Variants in ARMCX4 observed in about 807,000 individuals in gnomAD.
The protein encoded by ARMCX4 is armadillo repeat-containing X-linked protein 4.
In ARMCX4, 3 loss-of-function variants were observed where a neutral mutation model predicts 34.7. That is an observed-to-expected ratio of 0.09 (90% CI 0.04 to 0.22). ARMCX4 has a LOEUF of 0.22. ARMCX4 is among the 10% of genes least tolerant of loss of function. The pLI is 1.00. For missense variants in ARMCX4, 1,448 were observed against 1,720.8 expected, an observed-to-expected ratio of 0.84 and a Z score of 2.81; for synonymous variants, 513 against 632.8, an observed-to-expected ratio of 0.81 and a Z score of 2.84.
chrX:101,432,966 GTA>G (rs1366026171), intron 2 of ARMCX4, among the ~76,000 whole-genome samples: 3 of 34,300 alleles, frequency 8.7e-5, no homozygotes, highest in East Asian at 6.9e-4. Flanking sequence ...ATACATATGT[GTA>G]TATGTGTATA....
intron 12 of ARMCX4, chrX:101,532,398 C>T (rs892282701): frequency 9.0e-6 from 1 of 111,568 alleles, no homozygotes; most frequent in Non-Finnish European, 1.9e-5. Context: ...ATATTAAAAG[C>T]TGAGACTACA....
chrX:101,490,817 A>G lies in ARMCX4; in HGVS notation c.2228A>G (p.Tyr743Cys), dbSNP rs1933943271. Reference protein sequence around the residue: ...TTVPNSGVGPYTTDSARLQAV... With the variant: ...TTVPNSGVGPCTTDSARLQAV... The stretch of plus-strand genomic sequence containing the variant: ...GTGCCTAATTCAGGGGTTGGGCCAT[A>G]TACAACAGACTCTGCCCGGCTCCAG... The change falls in exon 6 of 6, where the codon TAT becomes TGT. Residue 743 changes from tyrosine (Y) to cysteine (C), a missense_variant. Tyr to Cys is a radical substitution (Grantham distance 194). Around this residue, in one of 2 missense-constraint regions of ARMCX4, gnomAD observed 1,343 missense variants for 1,540.7 expected, o/e 0.87. Coordinates refer to ENST00000423738, the MANE Select transcript of ARMCX4 (RefSeq NM_001256155.3). 6 of 1,107,162 alleles carry G rather than the reference A, an allele frequency of 5.4e-6. No homozygotes were observed. Among genetic ancestry groups the G allele is most frequent in the Non-Finnish European group, 7.1e-6 (6 of 842,094 alleles). The allele number at this position is 1,107,162 out of a possible 1,213,427, so 91.2% of individuals were successfully genotyped here.
At chrX:101,527,319 A>T (rs1603229749) in intron 11 of ARMCX4, among the ~76,000 whole-genome samples, 1 of 112,100 alleles carries the variant, frequency 8.9e-6, no homozygotes, top group African/African-American at 3.2e-5. Flanking sequence ...AATCTCTGGG[A>T]CGCATTTAAG....
intron 11 of ARMCX4, among the ~76,000 whole-genome samples, chrX:101,513,062 CTA>C (rs2089473987): frequency 9.1e-6 from 1 of 109,526 alleles, no homozygotes; most frequent in African/African-American, 3.3e-5. Context: ...AGTAGGATTT[CTA>C]TGTCTTGAGG....
intron 2 of ARMCX4, among the ~76,000 whole-genome samples, chrX:101,427,016 G>A (rs1266211454): frequency 8.9e-6 from 1 of 112,197 alleles, no homozygotes; most frequent in Admixed American, 9.5e-5. Flanking sequence ...TCTCAGAAAG[G>A]AGAGAGCTTA....
At chrX:101,533,424 G>C (rs1191168715) in exon 13 of ARMCX4, 2 of 110,984 alleles carry the variant, frequency 1.8e-5, no homozygotes, top group Non-Finnish European at 3.8e-5. Context: ...ATATACCTCT[G>C]TAAGTAGTCC....
intron 2 of ARMCX4, among the ~76,000 whole-genome samples, chrX:101,420,962 C>T (rs1041851736): frequency 1.8e-5 from 2 of 111,773 alleles, no homozygotes; most frequent in Non-Finnish European, 3.8e-5. Flanking sequence ...CTTTGGGAGG[C>T]TGAGGCAGGT....
chrX:101,484,686 G>A (rs1264757927), upstream of ARMCX4, among the ~76,000 whole-genome samples: 1 of 112,358 alleles, frequency 8.9e-6, no homozygotes, highest in Non-Finnish European at 1.9e-5. Flanking sequence ...TTGAATACGT[G>A]CTGGTTTTGT....
At position 101,488,925 on chromosome X, in the gene ARMCX4, G is replaced by C; in HGVS notation, c.336G>C (p.Glu112Asp). ...AGGCAATGGTTGGGGCAGAGCCAGA[G>C]ACTCAATCTGAGTCCAAAGTGGTGG... Reference protein sequence around the residue: ...QAKAMVGAEPETQSESKVVAG... With the variant: ...QAKAMVGAEPDTQSESKVVAG... Residue 112 changes from glutamate (E) to aspartate (D), a missense_variant, in exon 6 of 6, where the codon GAG becomes GAC. Around this residue, in one of 2 missense-constraint regions of ARMCX4, gnomAD observed 1,343 missense variants for 1,540.7 expected, o/e 0.87. Coordinates refer to ENST00000423738, the MANE Select transcript of ARMCX4 (RefSeq NM_001256155.3). 1 of 1,156,281 alleles carries C rather than the reference G, an allele frequency of 8.6e-7. No individual in the cohort carries two copies. The highest frequency in any genetic ancestry group is 1.1e-6 in the Non-Finnish European group (1 of 873,098).
intron 2 of ARMCX4, among the ~76,000 whole-genome samples, chrX:101,436,757 T>C (rs1930807990): frequency 9.0e-6 from 1 of 111,709 alleles, no homozygotes; most frequent in African/African-American, 3.3e-5. Context: ...TTTTTGCCTA[T>C]TCAGTATGAT....
At chrX:101,433,193 C>A (rs782804899) in intron 2 of ARMCX4, among the ~76,000 whole-genome samples, 2 of 44,961 alleles carry the variant, frequency 4.4e-5, no homozygotes, top group African/African-American at 1.1e-4. Context: ...CGCACACATA[C>A]ACATATATGT....
intron 11 of ARMCX4, among the ~76,000 whole-genome samples, chrX:101,515,050 ATAGAAACTTCCAGGTCATT>A (rs1207563543): frequency 8.9e-6 from 1 of 111,809 alleles, no homozygotes; most frequent in African/African-American, 3.3e-5. Flanking sequence ...ACTTGCAGAC[ATAGAAACTTCCAGGTCATT>A]TATACAGTAC....
intron 2 of ARMCX4, among the ~76,000 whole-genome samples, chrX:101,429,489 C>T (rs1929860033): frequency 9.2e-6 from 1 of 109,289 alleles, no homozygotes. Context: ...GCATGCGCCA[C>T]CATGCCTGGC....
At chrX:101,459,073 C>T (rs1556000844) in intron 4 of ARMCX4, among the ~76,000 whole-genome samples, 1 of 111,376 alleles carries the variant, frequency 9.0e-6, no homozygotes, top group Non-Finnish European at 1.9e-5. Flanking sequence ...TTCTTTCCAT[C>T]CTGCTGCATC....
intron 4 of ARMCX4, among the ~76,000 whole-genome samples, chrX:101,464,032 A>G (rs1556001583): frequency 9.1e-6 from 1 of 110,259 alleles, no homozygotes; most frequent in Admixed American, 9.6e-5. Flanking sequence ...TGCTGGGATT[A>G]TAGGCGTGAG....
chrX:101,522,244 C>G (rs894677849), intron 11 of ARMCX4, among the ~76,000 whole-genome samples: 1 of 111,029 alleles, frequency 9.0e-6, no homozygotes, highest in African/African-American at 3.3e-5. Context: ...TTTAAATTAT[C>G]CTTCTTTGCC....
intron 2 of ARMCX4, among the ~76,000 whole-genome samples, chrX:101,422,932 C>T (rs1008352972): frequency 4.5e-5 from 5 of 110,692 alleles, no homozygotes; most frequent in African/African-American, 6.6e-5. Context: ...ATTTTTGAGA[C>T]GGAGTCTCAC....
At chrX:101,507,911 A>C (rs782508607) in intron 8 of ARMCX4, among the ~76,000 whole-genome samples, 1 of 112,661 alleles carries the variant, frequency 8.9e-6, no homozygotes, top group African/African-American at 3.2e-5. Flanking sequence ...TGGTCCCATA[A>C]GATTATAATG....
chrX:101,503,750 G>A (rs1167595765), intron 7 of ARMCX4, among the ~76,000 whole-genome samples: 3 of 111,194 alleles, frequency 2.7e-5, no homozygotes, highest in Admixed American at 9.5e-5. Context: ...TGTTCACTCT[G>A]ATGGTAGTTT....
Sources: allele counts gnomAD v4.1 joint callset (sites outside exome capture counted in the v4.1 genomes callset), GRCh38; gene constraint gnomAD v4.1.1; regional missense constraint gnomAD v4.1.1; transcripts MANE v1.5; gene names NCBI Gene and HGNC (gene_info 2026-07-23, HGNC 2026-07-21).